The following KSR2 variants were observed in gnomAD, a reference collection of about 807,000 sequenced individuals.
KSR2 encodes kinase suppressor of ras 2.
In KSR2, 25 loss-of-function variants were observed where a neutral mutation model predicts 107.8. The ratio of observed to expected loss-of-function variants is 0.23; its 90% CI spans 0.17 to 0.32. The LOEUF is 0.32. Among genes scored for constraint, KSR2 ranks in the 10% least tolerant of loss-of-function variants. The pLI is 1.00. For missense variants in KSR2, 887 were observed against 1,268.9 expected (o/e 0.70, Z 4.57); for synonymous variants, 480 against 507.0 (o/e 0.95, Z 0.71).
At chr12:117,774,379 T>C (rs1889613096) in intron 3 of KSR2, among the ~76,000 whole-genome samples, 1 of 152,200 alleles carries the variant, frequency 6.6e-6, no homozygotes, top group African/African-American at 2.4e-5. Context: ...TAAGACCTCA[T>C]TAATGAGCTT....
intron 3 of KSR2, among the ~76,000 whole-genome samples, chr12:117,854,874 GA>G (rs35476760): frequency 0.16 from 22,828 of 142,934 alleles, 1,873 homozygotes; most frequent in East Asian, 0.3. Context: ...TTTATTAGGT[GA>G]AAAAAAAAAA....
intron 5 of KSR2, among the ~76,000 whole-genome samples, chr12:117,609,511 C>T (rs1593047667): frequency 6.6e-6 from 1 of 152,116 alleles, no homozygotes; most frequent in South Asian, 2.1e-4. Flanking sequence ...TAATGGCTTG[C>T]CTAAAAATTT....
rs1349010242 is a variant in KSR2, at chr12:117,457,536, C to T, written c.*9663G>A. 1 of 152,236 alleles carries T rather than the reference C, an allele frequency of 6.6e-6. No homozygotes were observed. The highest frequency in any genetic ancestry group is 1.5e-5 in the Non-Finnish European group (1 of 68,054). The allele number at this position is 152,236 out of a possible 1,614,324, so 9.4% of individuals were successfully genotyped here. A position where few individuals can be genotyped will look rare whatever the true frequency, so the allele number is the denominator to read the frequency against. ...GCTCATGGAGAACAGAGACTCCAAA[C>T]TGGATGCCATATCAGAAGTGGGGGT... is the stretch of plus-strand genomic sequence containing the variant. On this transcript the variant is annotated 3_prime_UTR_variant, in exon 20 of 20. Coordinates refer to ENST00000339824, the MANE Select transcript of KSR2 (RefSeq NM_173598.6).
In KSR2 at chr12:117,762,475, T is replaced by C. The variant is rs997622022; in HGVS notation, c.473-951A>G. Among the ~76,000 whole-genome samples the C allele has an allele frequency of 1.3e-4, 20 of 152,314 alleles. No individual in the cohort carries two copies. The East Asian group carries it at 3.9e-3, about 29-fold the overall frequency. ...ACCCTGGTCCCCTGGACTTACATTC[T>C]GCCAAAGCAGCCATGATAGACAAGA... On this transcript the variant is annotated intron_variant, in intron 3 of 19. Coordinates refer to ENST00000339824, the MANE Select transcript of KSR2 (RefSeq NM_173598.6).
chr12:117,850,146 T>C lies in KSR2; in HGVS notation c.472+5282A>G, dbSNP rs577297816. Reference sequence around the variant, plus strand: ...CCAAACATGAAGGATACTTTGAGGATGGCTCACTGGTTCCCCCTGGTGGAC... The same window carrying C: ...CCAAACATGAAGGATACTTTGAGGACGGCTCACTGGTTCCCCCTGGTGGAC... On this transcript the variant is annotated intron_variant, in intron 3 of 19. Transcript: ENST00000339824. Among the ~76,000 whole-genome samples the C allele has an allele frequency of 8.3e-4, 127 of 152,338 alleles. 1 individual carries two copies. In the Middle Eastern group the frequency reaches 0.014, roughly 16 times the overall value.
At chr12:117,526,991 G>A (rs866601291) in intron 13 of KSR2, 80 bp downstream of exon 13, 21 of 1,200,472 alleles carry the variant, frequency 1.7e-5, no homozygotes, top group Middle Eastern at 1.9e-4. Context: ...AGCCCTCTGC[G>A]TCATCCAAAA....
intron 1 of KSR2, among the ~76,000 whole-genome samples, chr12:117,955,598 G>C (rs1896487790): frequency 6.6e-6 from 1 of 151,946 alleles, no homozygotes; most frequent in Non-Finnish European, 1.5e-5. Context: ...AGGGAGTCAG[G>C]TTATTATTTC....
chr12:117,737,782 CAAAAAAAAAAA>C (rs10587288), intron 4 of KSR2, among the ~76,000 whole-genome samples: 2 of 84,068 alleles, frequency 2.4e-5, no homozygotes, highest in Non-Finnish European at 5.0e-5. Context: ...AATCCTGTCT[CAAAAAAAAAAA>C]AAAAAAAAAA....
rs553587508 is a variant in KSR2, at chr12:117,538,627, G to A, written c.1687+1092C>T. 3.0e-4 allele frequency among the ~76,000 whole-genome samples: 45 copies of A among 152,284 alleles called. No individual in the cohort carries two copies. In the South Asian group the frequency reaches 8.9e-3, roughly 30 times the overall value. On this transcript the variant is annotated intron_variant, in intron 10 of 19. Coordinates refer to ENST00000339824, the MANE Select transcript of KSR2 (RefSeq NM_173598.6). ...ATCCAATGGAACTTTCAGTGATGATGGAAATGTTCTACACCTGAGCCATTC... is the reference window on the plus strand; with the variant it reads ...ATCCAATGGAACTTTCAGTGATGATAGAAATGTTCTACACCTGAGCCATTC...
At chr12:117,498,121 A>G (rs1873155263) in intron 14 of KSR2, among the ~76,000 whole-genome samples, 1 of 152,188 alleles carries the variant, frequency 6.6e-6, no homozygotes, top group African/African-American at 2.4e-5. Flanking sequence ...AGTAGGCAAC[A>G]GGGTCAGGAT....
intron 8 of KSR2, among the ~76,000 whole-genome samples, chr12:117,555,523 A>C (rs1173125705): frequency 6.6e-6 from 1 of 152,242 alleles, no homozygotes; most frequent in Non-Finnish European, 1.5e-5. Context: ...TAATAAAACT[A>C]AAGCTATCAG....
intron 4 of KSR2, among the ~76,000 whole-genome samples, chr12:117,713,441 C>A (rs140446539): frequency 1.1e-3 from 162 of 152,158 alleles, no homozygotes; most frequent in African/African-American, 3.7e-3. Context: ...ATTTTGGCAC[C>A]TTAGTTATTA....
At chr12:117,543,245 A>G (rs1876630895) in intron 9 of KSR2, among the ~76,000 whole-genome samples, 1 of 152,246 alleles carries the variant, frequency 6.6e-6, no homozygotes, top group Non-Finnish European at 1.5e-5. Flanking sequence ...CCAGCAATGT[A>G]CAAATGATTG....
chr12:117,474,658 C>T (rs1396819412), intron 17 of KSR2, among the ~76,000 whole-genome samples: 1 of 152,174 alleles, frequency 6.6e-6, no homozygotes, highest in Non-Finnish European at 1.5e-5. Context: ...TCAGGGCACT[C>T]TTCCCTGCAT....
chr12:117,458,568 C>T lies in KSR2; in HGVS notation c.*8631G>A, dbSNP rs965202594. 2.6e-5 allele frequency: 4 copies of T among 152,206 alleles called. No individual in the cohort carries two copies. The highest frequency in any genetic ancestry group is 2.1e-4 in the South Asian group (1 of 4,830). The allele number at this position is 152,206 out of a possible 1,614,324, so 9.4% of individuals were successfully genotyped here. On this transcript the variant is annotated 3_prime_UTR_variant, in exon 20 of 20. Transcript: ENST00000339824. ...CTTCTGAGCTAATTTAAGCTAAATA[C>T]ATGGCAGCTATTTTTCATCTCTACA...
chr12:117,529,129 G>T (rs866299054), intron 12 of KSR2, among the ~76,000 whole-genome samples: 9 of 152,194 alleles, frequency 5.9e-5, no homozygotes, highest in African/African-American at 2.2e-4. Flanking sequence ...AACTAAGTAG[G>T]CACAAAGGTG....
intron 3 of KSR2, among the ~76,000 whole-genome samples, chr12:117,837,100 G>A (rs1250476079): frequency 6.6e-6 from 1 of 152,174 alleles, no homozygotes; most frequent in Non-Finnish European, 1.5e-5. Context: ...TGGCAGCAAG[G>A]CCCCGTCGGA....
At chr12:117,726,058 C>A (rs2136705274) in intron 4 of KSR2, among the ~76,000 whole-genome samples, 1 of 152,198 alleles carries the variant, frequency 6.6e-6, no homozygotes, top group South Asian at 2.1e-4. Context: ...ATCCCAGCTA[C>A]TAGGGAGGCT....
chr12:117,968,244 T>G lies in KSR2; in HGVS notation c.12A>C (p.Glu4Asp), dbSNP rs1178905288. The change falls in exon 1 of 20, where the codon GAA (glutamate) becomes GAC (aspartate). Residue 4 changes from glutamate (E) to aspartate (D), a missense_variant. Glu to Asp is a conservative substitution (Grantham distance 45). Transcript: ENST00000339824. The part of the protein sequence containing the change: MDE[E>D]NMTKSEEQQP... ...GCTGCTCCTCGCTTTTCGTCATGTT[T>G]TCCTCATCCATCGCTTGCTCTGCAA... 2 of 1,444,510 alleles carry G rather than the reference T, an allele frequency of 1.4e-6. No homozygotes were observed. The highest frequency in any genetic ancestry group is 3.9e-5 in the Admixed American group (2 of 51,324). 89.5% of individuals were successfully genotyped at this position (1,444,510 alleles called of 1,614,324 possible).
Sources: allele counts gnomAD v4.1 joint callset (sites outside exome capture counted in the v4.1 genomes callset), GRCh38; gene constraint gnomAD v4.1.1; transcripts MANE v1.5; gene names NCBI Gene and HGNC (gene_info 2026-07-23, HGNC 2026-07-21).